TTC28: variants seen among roughly 807,000 people sequenced by gnomAD.
TTC28 encodes tetratricopeptide repeat protein 28.
Under a neutral mutation model 198.0 loss-of-function variants are expected in TTC28, and 61 were observed. That is an observed-to-expected ratio of 0.31 (90% CI 0.25 to 0.38). The LOEUF (loss-of-function observed/expected upper bound fraction) is 0.38, where lower values mean the gene tolerates loss of function less well. TTC28 is among the 10% of genes least tolerant of loss of function. The pLI is 1.00. For synonymous variants in TTC28, 1,171 were observed against 1,297.8 expected, an observed-to-expected ratio of 0.90 and a Z score of 2.10; for missense variants, 2,678 against 3,164.0, an observed-to-expected ratio of 0.85 and a Z score of 3.69.
chr22:28,221,461 G>A (rs1239631677), intron 5 of TTC28, among the ~76,000 whole-genome samples: 2 of 152,220 alleles, frequency 1.3e-5, no homozygotes, highest in Admixed American at 6.5e-5. Flanking sequence ...AGGTATTGGT[G>A]TTGGGAGCTA....
At position 28,613,117 on chromosome 22, in the gene TTC28, A is replaced by T. The variant is rs572621265; in HGVS notation, c.381+16435T>A. Reference sequence around the variant, plus strand: ...CTAATGAAGAAGAAAAGAGAGAAGAATCAAAAAAACACAATAAAAATTGAT... The same window carrying T: ...CTAATGAAGAAGAAAAGAGAGAAGATTCAAAAAAACACAATAAAAATTGAT... On this transcript the variant is annotated intron_variant, in intron 2 of 22. Coordinates refer to ENST00000397906, the MANE Select transcript of TTC28 (RefSeq NM_001145418.2). Among the ~76,000 whole-genome samples, 3 of 152,224 alleles carry T rather than the reference A, an allele frequency of 2.0e-5. 1 individual carries two copies. In the South Asian group the frequency reaches 6.2e-4, roughly 32 times the overall value.
intron 13 of TTC28, among the ~76,000 whole-genome samples, chr22:28,027,910 T>C (rs1391805578): frequency 6.6e-6 from 1 of 152,238 alleles, no homozygotes; most frequent in Non-Finnish European, 1.5e-5. Flanking sequence ...GACATGAGGC[T>C]GCACTGAAAG....
intron 6 of TTC28, among the ~76,000 whole-genome samples, chr22:28,137,203 C>A (rs1423606101): frequency 1.3e-5 from 2 of 152,150 alleles, no homozygotes; most frequent in East Asian, 3.9e-4. Context: ...TGAGAACTCT[C>A]AGATCCCACC....
rs754351424 is a variant in TTC28 at position 27,998,667 on chromosome 22, A to G, written c.4992T>C (p.Ala1664=). 19 of 1,550,848 alleles carry G rather than the reference A, an allele frequency of 1.2e-5. No individual in the cohort carries two copies. The highest frequency in any genetic ancestry group is 1.7e-5 in the Non-Finnish European group (19 of 1,147,000). The change falls in exon 16 of 23, where the codon GCT becomes GCC. Residue 1664 remains alanine, a synonymous_variant. Transcript: ENST00000397906. ...LVSLWPVPVA[A]SKMFIHAFYS... ...AGAAGGCATGGATGAACATCTTAGA[A>G]GCAGCCACTGGCACAGGCCACAGAG... is the stretch of plus-strand genomic sequence containing the variant.
At chr22:28,419,221 A>G (rs962530487) in intron 2 of TTC28, among the ~76,000 whole-genome samples, 45 of 152,106 alleles carry the variant, frequency 3.0e-4, no homozygotes, top group Admixed American at 6.5e-4. Context: ...CTCCATATCT[A>G]CTTGTTAAAA....
At chr22:28,514,411 T>C (rs118057071) in intron 2 of TTC28, among the ~76,000 whole-genome samples, 1 of 152,214 alleles carries the variant, frequency 6.6e-6, no homozygotes, top group African/African-American at 2.4e-5. Context: ...CACTAAAATA[T>C]TCTCCCAGCT....
chr22:28,101,148 C>T (rs1359706283), intron 9 of TTC28, 23 bp downstream of exon 9: 1 of 1,522,476 alleles, frequency 6.6e-7, no homozygotes, highest in East Asian at 2.5e-5. Context: ...AAAAAATCCA[C>T]TTCAGTCAGG....
intron 12 of TTC28, among the ~76,000 whole-genome samples, chr22:28,050,739 G>A (rs74368758): frequency 5.3e-4 from 81 of 152,204 alleles, no homozygotes; most frequent in African/African-American, 1.9e-3. Context: ...GAGGGTTTAG[G>A]ATAATGAGAA....
chr22:28,150,773 C>A (rs187282603), intron 6 of TTC28, among the ~76,000 whole-genome samples: 2 of 152,256 alleles, frequency 1.3e-5, no homozygotes, highest in Admixed American at 1.3e-4. Context: ...GGTTCAGGAG[C>A]CAATGACTAA....
At chr22:28,310,559 AAT>A (rs1357558915) in intron 2 of TTC28, among the ~76,000 whole-genome samples, 4 of 152,140 alleles carry the variant, frequency 2.6e-5, no homozygotes, top group Non-Finnish European at 2.9e-5. Flanking sequence ...TGAACCAAAC[AAT>A]AACCTAATAT....
At chr22:28,336,981 C>A (rs1270203767) in intron 2 of TTC28, among the ~76,000 whole-genome samples, 2 of 152,156 alleles carry the variant, frequency 1.3e-5, no homozygotes, top group Non-Finnish European at 2.9e-5. Context: ...GCATTTAGTG[C>A]TATAAATTTC....
intron 2 of TTC28, among the ~76,000 whole-genome samples, chr22:28,475,149 C>CAAAAAAAA (rs386395148): frequency 3.2e-3 from 209 of 64,902 alleles, no homozygotes; most frequent in Non-Finnish European, 3.6e-3. Flanking sequence ...GACTCCATCT[C>CAAAAAAAA]AAAAAAAAAA....
chr22:28,437,765 G>GT (rs1453451131), intron 2 of TTC28, among the ~76,000 whole-genome samples: 9 of 151,854 alleles, frequency 5.9e-5, no homozygotes, highest in Admixed American at 2.0e-4. Flanking sequence ...GCTAATTTTT[G>GT]TTTTTTTGGT....
chr22:28,155,197 A>G (rs1943724799), intron 6 of TTC28, among the ~76,000 whole-genome samples: 1 of 152,216 alleles, frequency 6.6e-6, no homozygotes, highest in South Asian at 2.1e-4. Context: ...TACCAGGAGT[A>G]TACAGAATCA....
Position 27,980,723 on chromosome 22 carries a change from T to A in TTC28, c.*1498A>T, listed in dbSNP as rs376954035. ...AATTTTAGAATTACCTAAAAGATAC[T>A]TACTTATCTAAATTCTCCAACTAAA... On this transcript the variant is annotated 3_prime_UTR_variant, in exon 23 of 23. Transcript: ENST00000397906. 7 of 28,332 alleles carry A rather than the reference T, an allele frequency of 2.5e-4. No individual in the cohort carries two copies. In the African/African-American group the frequency reaches 3.2e-3, roughly 13 times the overall value. 1.8% of individuals were successfully genotyped at this position (28,332 alleles called of 1,614,324 possible). A position where few individuals can be genotyped will look rare whatever the true frequency, so the allele number is the denominator to read the frequency against.
intron 2 of TTC28, among the ~76,000 whole-genome samples, chr22:28,553,560 G>A (rs566645021): frequency 2.3e-4 from 34 of 150,440 alleles, no homozygotes; most frequent in East Asian, 8.0e-4. Context: ...CAGCCACCCC[G>A]TCTGAGAAGT....
chr22:27,987,515 T>G (rs1937253021), intron 21 of TTC28, among the ~76,000 whole-genome samples: 1 of 151,986 alleles, frequency 6.6e-6, no homozygotes, highest in Admixed American at 6.5e-5. Flanking sequence ...GCAGATCACT[T>G]GAGCTCAGGA....
At chr22:28,109,613 T>C (rs1156674709) in intron 6 of TTC28, among the ~76,000 whole-genome samples, 1 of 152,246 alleles carries the variant, frequency 6.6e-6, no homozygotes, top group Non-Finnish European at 1.5e-5. Flanking sequence ...AAAAGTGAGT[T>C]ATATCATACA....
Position 28,108,230 on chromosome 22 carries a change from G to C in TTC28, c.1615C>G (p.Gln539Glu). 2 of 1,551,272 alleles carry C rather than the reference G, an allele frequency of 1.3e-6. No individual in the cohort carries two copies. The highest frequency in any genetic ancestry group is 2.4e-5 in the South Asian group (2 of 84,034). Residue 539 changes from glutamine to glutamate, a missense_variant, in exon 7 of 23, where the codon CAG becomes GAG. By Grantham distance (29) the Gln-to-Glu change is conservative. Coordinates refer to ENST00000397906, the MANE Select transcript of TTC28 (RefSeq NM_001145418.2). ...ACTTCCATGGAGATCTGCAGCTCCT[G>C]CCGATGGTATTTGACCGCCTGGTCG... is the stretch of plus-strand genomic sequence containing the variant. ...MYDQAVKYHR[Q>E]ELQISMEVND...
Sources: gnomAD v4.1 joint callset for allele counts (sites outside exome capture counted in the v4.1 genomes callset) on GRCh38, gnomAD v4.1.1 for gene constraint, MANE v1.5 for transcripts, NCBI Gene and HGNC (gene_info 2026-07-23, HGNC 2026-07-21) for gene names.